REL: variants seen among roughly 807,000 people sequenced by gnomAD.
REL encodes REL proto-oncogene, NF-kB subunit.
REL carries 15 observed loss-of-function variants against 45.9 expected under a neutral mutation model. That is an observed-to-expected ratio of 0.33 (90% CI 0.22 to 0.50). The LOEUF (loss-of-function observed/expected upper bound fraction) is 0.50, where lower values mean the gene tolerates loss of function less well. REL is among the 20% of genes least tolerant of loss of function. The probability of loss-of-function intolerance (pLI) is 0.98; values close to 1 mark genes in which losing one functional copy is unlikely to be tolerated. For synonymous variants in REL, 239 were observed against 242.1 expected (o/e 0.99, Z 0.12); for missense variants, 601 against 715.2 (o/e 0.84, Z 1.82).
At chr2:60,906,393 G>A (rs1270799078) in intron 4 of REL, among the ~76,000 whole-genome samples, 1 of 152,098 alleles carries the variant, frequency 6.6e-6, no homozygotes, top group African/African-American at 2.4e-5. Flanking sequence ...TACAATCAGT[G>A]GTTCCCAAGC....
Position 60,921,957 on chromosome 2 carries a change from C to G in REL, c.1186C>G (p.Leu396Val). Residue 396 changes from leucine to valine, a missense_variant, in exon 10 of 10, where the codon CTG becomes GTG. Around this residue, in one of 4 missense-constraint regions of REL, gnomAD observed 334 missense variants for 333.1 expected, o/e 1.00. Coordinates refer to ENST00000394479, the MANE Select transcript of REL (RefSeq NM_001291746.2). ...CCCACGCTCAGGCAATACAAACCCACTGAGTAGTTTTTCAACAAGGACACT... is the reference window on the plus strand; with the variant it reads ...CCCACGCTCAGGCAATACAAACCCAGTGAGTAGTTTTTCAACAAGGACACT... ...PTPRSGNTNP[L>V]SSFSTRTLPS... 6.2e-7 allele frequency: 1 copy of G among 1,614,186 alleles called. No individual in the cohort carries two copies. The highest frequency in any genetic ancestry group is 8.5e-7 in the Non-Finnish European group (1 of 1,180,048).
chr2:60,922,789 A>G lies in REL; in HGVS notation c.*254A>G. 1.3e-5 allele frequency: 14 copies of G among 1,055,528 alleles called. No individual in the cohort carries two copies. Among genetic ancestry groups the G allele is most frequent in the Non-Finnish European group, 1.6e-5 (14 of 869,328 alleles). The allele number at this position is 1,055,528 out of a possible 1,614,324, so 65.4% of individuals were successfully genotyped here. A position where few individuals can be genotyped will look rare whatever the true frequency, so the allele number is the denominator to read the frequency against. ...CCAGGCGCAGGGGCTCACACCTGTA[A>G]TCCTAGCACTTTGGGAGGCCAAGGC... On this transcript the variant is annotated 3_prime_UTR_variant, in exon 10 of 10. Coordinates refer to ENST00000394479, the MANE Select transcript of REL (RefSeq NM_001291746.2).
At chr2:60,891,956 T>C in intron 2 of REL, 131 bp downstream of exon 2, 1 of 885,964 alleles carries the variant, frequency 1.1e-6, no homozygotes, top group Non-Finnish European at 1.6e-6. Context: ...TCCTTTTTTT[T>C]TTTAAACGGA....
intron 4 of REL, among the ~76,000 whole-genome samples, chr2:60,915,294 G>C (rs762830254): frequency 1.8e-4 from 28 of 152,170 alleles, no homozygotes; most frequent in Non-Finnish European, 2.6e-4. Flanking sequence ...GCAATTGAGA[G>C]ACACTAATAT....
At chr2:60,914,831 TTTTG>T (rs1471512877) in intron 4 of REL, among the ~76,000 whole-genome samples, 1 of 137,964 alleles carries the variant, frequency 7.2e-6, no homozygotes, top group African/African-American at 2.8e-5. Flanking sequence ...TAGCTTGTTT[TTTTG>T]TTTTTTTTTT....
chr2:60,925,805 T>G lies in REL; in HGVS notation c.*3270T>G, dbSNP rs1443822819. On this transcript the variant is annotated 3_prime_UTR_variant, in exon 10 of 10. Coordinates refer to ENST00000394479, the MANE Select transcript of REL (RefSeq NM_001291746.2). ...CATGGGTTTTTTTCTTTAAACTAAT[T>G]AAGCGTTGGCTACTTAGTATAAGTA... The G allele has an allele frequency of 9.4e-6, 2 of 212,908 alleles. No individual in the cohort carries two copies. The highest frequency in any genetic ancestry group is 1.9e-5 in the Non-Finnish European group (2 of 104,986). The allele number at this position is 212,908 out of a possible 1,614,324, so 13.2% of individuals were successfully genotyped here.
At chr2:60,901,440 G>A (rs1457292526) in intron 4 of REL, among the ~76,000 whole-genome samples, 1 of 152,166 alleles carries the variant, frequency 6.6e-6, no homozygotes, top group Non-Finnish European at 1.5e-5. Context: ...GGGATTACAG[G>A]CGTGAGCCAT....
Position 60,929,045 on chromosome 2 carries a change from A to G in REL, c.*6510A>G, listed in dbSNP as rs1306172278. The G allele has an allele frequency of 6.7e-6, 1 of 149,854 alleles. No individual in the cohort carries two copies. The highest frequency in any genetic ancestry group is 2.4e-5 in the African/African-American group (1 of 40,890). 9.3% of individuals were successfully genotyped at this position (149,854 alleles called of 1,614,324 possible). The stretch of plus-strand genomic sequence containing the variant: ...AGACACTTCTCAAAAGAAGACATTT[A>G]TGCAGCCAAAAAACACATGAAAAAA... On this transcript the variant is annotated 3_prime_UTR_variant, in exon 10 of 10. Transcript: ENST00000394479.
chr2:60,894,118 T>G (rs535379111), intron 2 of REL, among the ~76,000 whole-genome samples: 1 of 152,196 alleles, frequency 6.6e-6, no homozygotes, highest in African/African-American at 2.4e-5. Context: ...TGGATAAAAT[T>G]TGGGTAGAGT....
rs749191664 is a variant in REL at position 60,894,557 on chromosome 2, G to A, written c.302+12G>A. ...CGCAGACCTTTGTTGTAAGTACACA[G>A]TTACAGACATCTTCAGAAATAAGAT... On this transcript the variant is annotated intron_variant, in intron 3 of 9. Coordinates refer to ENST00000394479, the MANE Select transcript of REL (RefSeq NM_001291746.2). 6 of 1,540,662 alleles carry A rather than the reference G, an allele frequency of 3.9e-6. No homozygotes were observed. Among genetic ancestry groups the A allele is most frequent in the Middle Eastern group, 1.7e-4 (1 of 5,810 alleles).
chr2:60,884,354 A>G (rs72807470), intron 1 of REL, among the ~76,000 whole-genome samples: 21,190 of 152,006 alleles, frequency 0.14, 1,932 homozygotes, highest in Non-Finnish European at 0.21. Flanking sequence ...GTTTAAAATC[A>G]TGTATATAAT....
Position 60,923,562 on chromosome 2 carries a change from TTC to T in REL, c.*1030_*1031del, listed in dbSNP as rs1674201285. On this transcript the variant is annotated 3_prime_UTR_variant, in exon 10 of 10. Coordinates refer to ENST00000394479, the MANE Select transcript of REL (RefSeq NM_001291746.2). ...TCCCAAACTTGCTTCTCCTTCAGTC[TTC>T]TCCAACTCAGTAAATGGCAATGCCA... The T allele has an allele frequency of 4.3e-6, 1 of 232,628 alleles. No homozygotes were observed. Among genetic ancestry groups the T allele is most frequent in the African/African-American group, 2.2e-5 (1 of 45,316 alleles). 14.4% of individuals were successfully genotyped at this position (232,628 alleles called of 1,614,324 possible). A position where few individuals can be genotyped will look rare whatever the true frequency, so the allele number is the denominator to read the frequency against.
chr2:60,915,788 A>G (rs1011093287), intron 4 of REL, among the ~76,000 whole-genome samples: 2 of 152,196 alleles, frequency 1.3e-5, no homozygotes, highest in Non-Finnish European at 2.9e-5. Context: ...TTCAAATACT[A>G]ATTTAACAAA....
Position 60,891,663 on chromosome 2 carries a change from C to T in REL, c.11-20C>T, listed in dbSNP as rs746256981. The stretch of plus-strand genomic sequence containing the variant: ...GCTATATTAATCTCACTGACCTCCT[C>T]CTTTTTAAAAACTTTTCAGGTGCGT... On this transcript the variant is annotated intron_variant, in intron 1 of 9. Coordinates refer to ENST00000394479, the MANE Select transcript of REL (RefSeq NM_001291746.2). 1 of 1,579,278 alleles carries T rather than the reference C, an allele frequency of 6.3e-7. No individual in the cohort carries two copies. The highest frequency in any genetic ancestry group is 8.6e-7 in the Non-Finnish European group (1 of 1,160,444).
intron 3 of REL, among the ~76,000 whole-genome samples, chr2:60,896,408 TTAA>T (rs1275108021): frequency 2.6e-5 from 4 of 152,182 alleles, no homozygotes; most frequent in Non-Finnish European, 4.4e-5. Flanking sequence ...TACTAAGGTA[TTAA>T]TAGTAGTTGT....
chr2:60,891,424 A>G (rs1385041533), intron 1 of REL, among the ~76,000 whole-genome samples: 1 of 152,140 alleles, frequency 6.6e-6, no homozygotes, highest in Non-Finnish European at 1.5e-5. Context: ...TTAGCTATAG[A>G]TATTAAGCTA....
rs779922009 is a variant in REL, at chr2:60,894,556, A to G, written c.302+11A>G. ...ACGCAGACCTTTGTTGTAAGTACACAGTTACAGACATCTTCAGAAATAAGA... is the reference window on the plus strand; with the variant it reads ...ACGCAGACCTTTGTTGTAAGTACACGGTTACAGACATCTTCAGAAATAAGA... On this transcript the variant is annotated intron_variant, in intron 3 of 9. Transcript: ENST00000394479. 1 of 1,543,288 alleles carries G rather than the reference A, an allele frequency of 6.5e-7. No homozygotes were observed. The highest frequency in any genetic ancestry group is 1.4e-5 in the African/African-American group (1 of 71,958).
chr2:60,917,712 G>GTA (rs1674019586), intron 5 of REL, among the ~76,000 whole-genome samples: 14 of 138,658 alleles, frequency 1.0e-4, no homozygotes, highest in Non-Finnish European at 1.6e-4. Flanking sequence ...GTGTGTGTGT[G>GTA]TGTACGTGTG....
intron 3 of REL, chr2:60,900,363 A>T (rs1292604002): frequency 6.6e-6 from 1 of 152,316 alleles, no homozygotes; most frequent in Non-Finnish European, 1.5e-5. Flanking sequence ...TTGATTCTGA[A>T]TTTGTTTGGG....
Sources: allele counts gnomAD v4.1 joint callset (sites outside exome capture counted in the v4.1 genomes callset), GRCh38; gene constraint gnomAD v4.1.1; regional missense constraint gnomAD v4.1.1; transcripts MANE v1.5; gene names NCBI Gene and HGNC (gene_info 2026-07-23, HGNC 2026-07-21).